ENOSF1: variants seen among roughly 807,000 people sequenced by gnomAD.
The protein encoded by ENOSF1 is mitochondrial enolase superfamily member 1.
Under a neutral mutation model 68.2 loss-of-function variants are expected in ENOSF1, and 73 were observed. The observed-to-expected ratio is 1.07, with a 90% CI of 0.89 to 1.30. The LOEUF is 1.30. ENOSF1 is among the 50% of genes most tolerant of loss of function. ENOSF1 has a pLI of 0.00. For missense variants in ENOSF1, 589 were observed against 554.5 expected, an observed-to-expected ratio of 1.06 and a Z score of -0.62; for synonymous variants, 223 against 210.4, an observed-to-expected ratio of 1.06 and a Z score of -0.52.
chr18:688,358 T>C (rs1332771495), intron 9 of ENOSF1: 5 of 554,606 alleles, frequency 9.0e-6, no homozygotes, highest in African/African-American at 1.9e-5. Flanking sequence ...CCAAGCCTCT[T>C]TCAACTCTGA....
At chr18:685,543 C>G (rs1274423617) in intron 10 of ENOSF1, among the ~76,000 whole-genome samples, 1 of 152,162 alleles carries the variant, frequency 6.6e-6, no homozygotes, top group Non-Finnish European at 1.5e-5. Context: ...CTGATCCTTA[C>G]ATTTATCTCA....
intron 2 of ENOSF1, among the ~76,000 whole-genome samples, chr18:705,295 T>C (rs1362970155): frequency 6.6e-6 from 1 of 152,228 alleles, no homozygotes; most frequent in Non-Finnish European, 1.5e-5. Context: ...GCTCTAATAA[T>C]CCACTGAAAT....
At chr18:690,297 T>C (rs2606251) in intron 8 of ENOSF1, among the ~76,000 whole-genome samples, 50,849 of 151,104 alleles carry the variant, frequency 0.34, 8,936 homozygotes, top group Admixed American at 0.37. Flanking sequence ...CATAGGGCAG[T>C]CCTGTAAGAC....
At position 671,185 on chromosome 18, in the gene ENOSF1, A is replaced by G. The variant is rs1171011075; in HGVS notation, c.*3120T>C. On this transcript the variant is annotated 3_prime_UTR_variant, in exon 16 of 16. Coordinates refer to ENST00000647584, the MANE Select transcript of ENOSF1 (RefSeq NM_017512.7). ...ACTTTGGGAGACTGAGACAGGAGCA[A>G]TTGCTTGAGGTCTGGAGTTCAATAC... 1.6e-6 allele frequency: 1 copy of G among 614,682 alleles called. No individual in the cohort carries two copies. Among genetic ancestry groups the G allele is most frequent in the Non-Finnish European group, 2.9e-6 (1 of 350,204 alleles). 38.1% of individuals were successfully genotyped at this position (614,682 alleles called of 1,614,324 possible). A position where few individuals can be genotyped will look rare whatever the true frequency, so the allele number is the denominator to read the frequency against.
chr18:677,829 G>A lies in ENOSF1; in HGVS notation c.962C>T (p.Ala321Val). 2 of 1,614,126 alleles carry A rather than the reference G, an allele frequency of 1.2e-6. No individual in the cohort carries two copies. The highest frequency in any genetic ancestry group is 8.5e-7 in the Non-Finnish European group (1 of 1,180,004). The change falls in exon 13 of 16, where the codon GCC becomes GTC. Residue 321 changes from alanine (A) to valine (V), a missense_variant. Coordinates refer to ENST00000647584, the MANE Select transcript of ENOSF1 (RefSeq NM_017512.7). The part of the protein sequence containing the change: ...VIFKQLLQAK[A>V]LQFLQIDSCR... The stretch of plus-strand genomic sequence containing the variant: ...ACTGTCAATCTGGAGGAACTGCAGG[G>A]CCTTCGCCTGTAGGAGTTGCTTAAA...
At chr18:709,202 G>C (rs9952691) in intron 1 of ENOSF1, among the ~76,000 whole-genome samples, 1 of 152,020 alleles carries the variant, frequency 6.6e-6, no homozygotes, top group East Asian at 1.9e-4. Context: ...GGGAGTCTCC[G>C]GCATAAAGGG....
intron 1 of ENOSF1, among the ~76,000 whole-genome samples, chr18:709,347 C>T (rs994374292): frequency 2.0e-5 from 3 of 151,996 alleles, no homozygotes; most frequent in African/African-American, 7.2e-5. Flanking sequence ...AGGCAGGAGG[C>T]CACGAGGGGA....
intron 11 of ENOSF1, 37 bp from the exon 12 acceptor site, chr18:678,774 A>G (rs1202457830): frequency 6.2e-7 from 1 of 1,606,544 alleles, no homozygotes. Flanking sequence ...TATTTTCCTA[A>G]GTTTTGAACT....
intron 9 of ENOSF1, chr18:687,072 T>G (rs188484685): frequency 6.6e-6 from 1 of 152,316 alleles, no homozygotes; most frequent in African/African-American, 2.4e-5. Flanking sequence ...TTACAGCAGC[T>G]GCTCTGAATC....
At chr18:688,970 T>C (rs2076895147) in intron 8 of ENOSF1, among the ~76,000 whole-genome samples, 1 of 152,146 alleles carries the variant, frequency 6.6e-6, no homozygotes, top group African/African-American at 2.4e-5. Context: ...TCTCTAGAAG[T>C]GGGCACAGTG....
At chr18:676,277 T>G (rs989208433) in intron 14 of ENOSF1, among the ~76,000 whole-genome samples, 4 of 152,204 alleles carry the variant, frequency 2.6e-5, no homozygotes, top group Admixed American at 2.0e-4. Flanking sequence ...GTTTTGGATT[T>G]GTGTCCCTGC....
At chr18:678,855 C>T (rs1183427159) in intron 11 of ENOSF1, 118 bp from the exon 12 acceptor site, 2 of 1,039,764 alleles carry the variant, frequency 1.9e-6, no homozygotes, top group Non-Finnish European at 2.9e-6. Flanking sequence ...CATGTGAAGG[C>T]TCAAGACTGG....
At chr18:688,635 C>G in intron 8 of ENOSF1, 27 bp from the exon 9 acceptor site, 1 of 1,606,458 alleles carries the variant, frequency 6.2e-7, no homozygotes, top group Non-Finnish European at 8.5e-7. Flanking sequence ...CAGGGTCACA[C>G]ACTGGAGAGA....
At chr18:707,545 C>T (rs1405516573) in intron 1 of ENOSF1, 2 of 152,072 alleles carry the variant, frequency 1.3e-5, no homozygotes, top group Admixed American at 6.6e-5. Context: ...AGTAAAGCTT[C>T]GAGATTAATT....
intron 8 of ENOSF1, 24 bp downstream of exon 8, chr18:690,525 A>G: frequency 6.2e-7 from 1 of 1,614,112 alleles, no homozygotes; most frequent in Non-Finnish European, 8.5e-7. Flanking sequence ...TCAGCTGTCT[A>G]CAAAGCCAGG....
chr18:688,454 G>A (rs1319538450), intron 9 of ENOSF1, 120 bp downstream of exon 9: 11 of 1,324,554 alleles, frequency 8.3e-6, no homozygotes, highest in South Asian at 3.7e-5. Flanking sequence ...GCATCCCTAT[G>A]AGCCAGGGGG....
At chr18:691,986 G>A (rs561074069) in intron 5 of ENOSF1, 1 of 152,374 alleles carries the variant, frequency 6.6e-6, no homozygotes, top group African/African-American at 2.4e-5. Flanking sequence ...CTGGAGCAGT[G>A]AACTGCAGAG....
At chr18:691,423 G>A (rs1015869955) in intron 5 of ENOSF1, 147 bp from the exon 6 acceptor site, 2 of 641,890 alleles carry the variant, frequency 3.1e-6, no homozygotes, top group Non-Finnish European at 5.3e-6. Context: ...ATAGCTCACT[G>A]CAGCCTCAGT....
At chr18:711,082 A>T (rs1168340543) in intron 1 of ENOSF1, among the ~76,000 whole-genome samples, 1 of 152,132 alleles carries the variant, frequency 6.6e-6, no homozygotes, top group Non-Finnish European at 1.5e-5. Context: ...AGGTGGGAGG[A>T]TTGGTTGAGT....
Sources: allele counts gnomAD v4.1 joint callset (sites outside exome capture counted in the v4.1 genomes callset), GRCh38; gene constraint gnomAD v4.1.1; transcripts MANE v1.5; gene names NCBI Gene and HGNC (gene_info 2026-07-23, HGNC 2026-07-21).